CACNA1E: variants seen among roughly 807,000 people sequenced by gnomAD.
The protein encoded by CACNA1E is voltage-dependent R-type calcium channel subunit alpha-1E.
Under a neutral mutation model 259.2 loss-of-function variants are expected in CACNA1E, and 40 were observed. That is an observed-to-expected ratio of 0.15 (90% confidence interval 0.12 to 0.20). The LOEUF is 0.20. Among genes scored for constraint, CACNA1E ranks in the 10% least tolerant of loss-of-function variants. The probability of loss-of-function intolerance (pLI) is 1.00; values close to 1 mark genes in which losing one functional copy is unlikely to be tolerated. For missense variants in CACNA1E, 1,874 were observed against 3,040.1 expected, an observed-to-expected ratio of 0.62 and a Z score of 9.02; for synonymous variants, 1,104 against 1,138.5, an observed-to-expected ratio of 0.97 and a Z score of 0.61.
At chr1:181,582,360 G>A (rs1023647103) in intron 6 of CACNA1E, among the ~76,000 whole-genome samples, 3 of 152,206 alleles carry the variant, frequency 2.0e-5, no homozygotes, top group Admixed American at 6.5e-5. Flanking sequence ...CATTTGAGAT[G>A]TAAAGGTTGT....
chr1:181,432,413 C>T (rs1040063569), intron 2 of CACNA1E, among the ~76,000 whole-genome samples: 13 of 151,860 alleles, frequency 8.6e-5, no homozygotes, highest in African/African-American at 3.1e-4. Flanking sequence ...TCAACTGAAT[C>T]ACATGTACCC....
chr1:181,694,148 A>G (rs1651472488), intron 7 of CACNA1E, among the ~76,000 whole-genome samples: 1 of 152,210 alleles, frequency 6.6e-6, no homozygotes, highest in African/African-American at 2.4e-5. Context: ...AATATAAAGG[A>G]TAATATGTCA....
Position 181,800,791 on chromosome 1 carries a change from T to TGGAGAACCATTTGTCATGGCC in CACNA1E, c.*1963_*1964insCCATTTGTCATGGCCGGAGAA, listed in dbSNP as rs1156307098. The TGGAGAACCATTTGTCATGGCC allele has an allele frequency of 6.5e-6, 1 of 152,702 alleles. No individual in the cohort carries two copies. Among genetic ancestry groups the TGGAGAACCATTTGTCATGGCC allele is most frequent in the African/African-American group, 2.4e-5 (1 of 41,468 alleles). 9.5% of individuals were successfully genotyped at this position (152,702 alleles called of 1,614,324 possible). A position where few individuals can be genotyped will look rare whatever the true frequency, so the allele number is the denominator to read the frequency against. ...GAAAAGCCAAATTCAACCACATGGC[T>TGGAGAACCATTTGTCATGGCC]GGAGAATCATTTGTCATGGCCCCGC... On this transcript the variant is annotated 3_prime_UTR_variant, in exon 48 of 48. Transcript: ENST00000367573.
At position 181,671,986 on chromosome 1, in the gene CACNA1E, A is replaced by C. The variant is rs575584828; in HGVS notation, c.1055+20545A>C. ...AATAGCAAAGACATGGAATCAACTT[A>C]AATGCTCATCAGTGACAGATTGGAT... On this transcript the variant is annotated intron_variant, in intron 7 of 47. Coordinates refer to ENST00000367573, the MANE Select transcript of CACNA1E (RefSeq NM_001205293.3). 2.0e-5 allele frequency among the ~76,000 whole-genome samples: 3 copies of C among 152,380 alleles called. No individual in the cohort carries two copies. In the South Asian group the frequency reaches 6.2e-4, roughly 32 times the overall value.
intron 1 of CACNA1E, among the ~76,000 whole-genome samples, chr1:181,387,671 T>G (rs1373937461): frequency 6.6e-6 from 1 of 152,334 alleles, no homozygotes; most frequent in East Asian, 1.9e-4. Context: ...ACACGGAGAC[T>G]GGAGACGTGG....
chr1:181,579,297 G>A (rs1425275852), intron 5 of CACNA1E, 73 bp downstream of exon 5: 1 of 1,270,852 alleles, frequency 7.9e-7, no homozygotes, highest in Non-Finnish European at 1.1e-6. Flanking sequence ...CAGGGCACTT[G>A]GAGGCTCATT....
intron 1 of CACNA1E, among the ~76,000 whole-genome samples, chr1:181,502,404 G>A (rs553947442): frequency 6.6e-6 from 1 of 152,174 alleles, no homozygotes; most frequent in African/African-American, 2.4e-5. Flanking sequence ...TTCTGGGCTG[G>A]TCTCTTTTGG....
At chr1:181,530,242 A>G (rs629239) in intron 3 of CACNA1E, among the ~76,000 whole-genome samples, 88,943 of 152,012 alleles carry the variant, frequency 0.59, 26,822 homozygotes, top group African/African-American at 0.72. Context: ...TTCACCTCCC[A>G]TCATGATTCT....
chr1:181,713,777 G>A lies in CACNA1E; in HGVS notation c.1172-1561G>A, dbSNP rs548645128. Among the ~76,000 whole-genome samples the A allele has an allele frequency of 1.0e-3, 157 of 152,296 alleles. 4 individuals are homozygous for A. In the South Asian group the frequency reaches 0.026, roughly 25 times the overall value. On this transcript the variant is annotated intron_variant, in intron 8 of 47. Transcript: ENST00000367573. Reference sequence around the variant, plus strand: ...CCCGTTACTCCTCATAGGGCATGCAGGATCCCACCAGACTTGGGAGAGAAG... The same window carrying A: ...CCCGTTACTCCTCATAGGGCATGCAAGATCCCACCAGACTTGGGAGAGAAG...
rs565153927 is a variant in CACNA1E at position 181,793,486 on chromosome 1, G to C, written c.5899-179G>C. On this transcript the variant is annotated intron_variant, in intron 44 of 47. Coordinates refer to ENST00000367573, the MANE Select transcript of CACNA1E (RefSeq NM_001205293.3). ...CAATCCCAGCTAGAGCTTCCTGTCCGGAACATATAGCACATAGGTGCACAT... is the reference window on the plus strand; with the variant it reads ...CAATCCCAGCTAGAGCTTCCTGTCCCGAACATATAGCACATAGGTGCACAT... Among the ~76,000 whole-genome samples, 6 of 152,258 alleles carry C rather than the reference G, an allele frequency of 3.9e-5. 2 individuals carry two copies. The highest frequency in any genetic ancestry group is 1.4e-4 in the African/African-American group (6 of 41,548).
chr1:181,776,089 C>T lies in CACNA1E; in HGVS notation c.5140-12C>T. 6.2e-7 allele frequency: 1 copy of T among 1,610,846 alleles called. No individual in the cohort carries two copies. ...GTTTCCCCTAACCCCTCTTCTTCCC[C>T]TTGCCCTTCAGATGCTCAACCTGTT... is the stretch of plus-strand genomic sequence containing the variant. On this transcript the variant is annotated splice_polypyrimidine_tract_variant and intron_variant, in intron 37 of 47. Transcript: ENST00000367573. This position sits in a 1 kb window ranked among gnomAD's most constrained non-coding sequence, Gnocchi z 4.4.
In CACNA1E at chr1:181,756,015, G is replaced by A. The variant is rs1658061355; in HGVS notation, c.4049G>A (p.Arg1350His). The change falls in exon 29 of 48, where the codon CGC becomes CAC. Residue 1350 changes from arginine (R) to histidine (H), a missense_variant. Around this residue, in one of 14 missense-constraint regions of CACNA1E, gnomAD observed 188 missense variants for 540.6 expected, o/e 0.35. Coordinates refer to ENST00000367573, the MANE Select transcript of CACNA1E (RefSeq NM_001205293.3). ...KMEVKGREWK[R>H]HEFHYDNIIW... Reference sequence around the variant, plus strand: ...GAGGTGAAGGGCCGGGAATGGAAGCGCCATGAATTCCACTACGACAACATT... The same window carrying A: ...GAGGTGAAGGGCCGGGAATGGAAGCACCATGAATTCCACTACGACAACATT... The A allele has an allele frequency of 3.1e-6, 5 of 1,613,690 alleles. No individual in the cohort carries two copies. Among genetic ancestry groups the A allele is most frequent in the African/African-American group, 1.3e-5 (1 of 74,884 alleles).
At chr1:181,563,385 A>G (rs1649513977) in intron 3 of CACNA1E, among the ~76,000 whole-genome samples, 1 of 152,178 alleles carries the variant, frequency 6.6e-6, no homozygotes, top group Non-Finnish European at 1.5e-5. Flanking sequence ...GGTTTTTATA[A>G]ACTCAAACAG....
chr1:181,425,157 A>C lies in CACNA1E; in HGVS notation c.434+11577A>C, dbSNP rs577421774. 6.6e-5 allele frequency among the ~76,000 whole-genome samples: 10 copies of C among 152,148 alleles called. 1 individual carries two copies. In the South Asian group the frequency reaches 2.1e-3, roughly 32 times the overall value. On this transcript the variant is annotated intron_variant, in intron 2 of 11. Coordinates refer to the CACNA1E transcript ENST00000524607. ...TTCTGTGTATTGCAGCCGCAGTCTC[A>C]CTGGGATGCTTTCCGCTGTGTAGCT...
intron 2 of CACNA1E, among the ~76,000 whole-genome samples, chr1:181,440,566 G>A (rs1660393142): frequency 6.6e-6 from 1 of 152,144 alleles, no homozygotes; most frequent in South Asian, 2.1e-4. Context: ...GAGGCAGAAA[G>A]GGTTGATGTT....
chr1:181,349,804 C>T (rs1003183573), intron 1 of CACNA1E, among the ~76,000 whole-genome samples: 24 of 151,960 alleles, frequency 1.6e-4, no homozygotes, highest in Non-Finnish European at 2.6e-4. Flanking sequence ...GTATTGTGGA[C>T]AAGCCTCCAA....
At chr1:181,385,171 C>T (rs1189150743) in intron 1 of CACNA1E, among the ~76,000 whole-genome samples, 1 of 152,200 alleles carries the variant, frequency 6.6e-6, no homozygotes, top group Non-Finnish European at 1.5e-5. Context: ...CTTCTCCTTT[C>T]ATCTATAAAT....
intron 1 of CACNA1E, among the ~76,000 whole-genome samples, chr1:181,345,257 G>C (rs1277632451): frequency 1.3e-5 from 2 of 152,276 alleles, no homozygotes; most frequent in Non-Finnish European, 1.5e-5. Flanking sequence ...TTGCATTGGA[G>C]TGCTGGTAGC....
chr1:181,468,678 G>T (rs1224174778), intron 2 of CACNA1E, among the ~76,000 whole-genome samples: 3 of 152,194 alleles, frequency 2.0e-5, no homozygotes, highest in Admixed American at 2.0e-4. Context: ...ACTCAGAGGA[G>T]AGAGAGATCA....
Sources: allele counts gnomAD v4.1 joint callset (sites outside exome capture counted in the v4.1 genomes callset), GRCh38; gene constraint gnomAD v4.1.1; regional missense constraint gnomAD v4.1.1; non-coding constraint Gnocchi (gnomAD v3.1); transcripts MANE v1.5; gene names NCBI Gene and HGNC (gene_info 2026-07-23, HGNC 2026-07-21).